Variants in RBFOX1 observed in about 807,000 individuals in gnomAD.
RBFOX1 encodes the protein RNA binding protein fox-1 homolog 1.
RBFOX1 carries 8 observed loss-of-function variants against 57.7 expected under a neutral mutation model. That is an observed-to-expected ratio of 0.14 (90% confidence interval 0.08 to 0.25). The LOEUF (loss-of-function observed/expected upper bound fraction) is 0.25, where lower values mean the gene tolerates loss of function less well. RBFOX1 is among the 10% of genes least tolerant of loss of function. RBFOX1 has a pLI of 1.00. For missense variants in RBFOX1, 611 were observed against 548.5 expected, an observed-to-expected ratio of 1.11 and a Z score of -1.14; for synonymous variants, 326 against 222.4, an observed-to-expected ratio of 1.47 and a Z score of -4.15.
chr16:6,852,327 G>C (rs939067795), intron 3 of RBFOX1, among the ~76,000 whole-genome samples: 2 of 152,130 alleles, frequency 1.3e-5, no homozygotes, highest in Admixed American at 6.5e-5. Context: ...TTGAGGTTGC[G>C]TGTAGGGCCC....
At position 6,218,709 on chromosome 16, in the gene RBFOX1, G is replaced by A. The variant is rs940264284; in HGVS notation, c.-126-98286G>A. On this transcript the variant is annotated intron_variant, in intron 1 of 15. Transcript: ENST00000550418. Reference sequence around the variant, plus strand: ...TATCATTGTTCTACATGGAAAATTTGTGTCCGTGGAATTAAATAATATAAT... The same window carrying A: ...TATCATTGTTCTACATGGAAAATTTATGTCCGTGGAATTAAATAATATAAT... 7.9e-4 allele frequency among the ~76,000 whole-genome samples: 120 copies of A among 152,236 alleles called. 2 individuals carry two copies. Among genetic ancestry groups the A allele is most frequent in the Admixed American group, 7.8e-3 (119 of 15,280 alleles).
chr16:5,535,356 C>T (rs1308470200), intron 2 of RBFOX1, among the ~76,000 whole-genome samples: 1 of 152,130 alleles, frequency 6.6e-6, no homozygotes, highest in Non-Finnish European at 1.5e-5. Flanking sequence ...CAATTCATTT[C>T]CAATTGTAAG....
intron 3 of RBFOX1, among the ~76,000 whole-genome samples, chr16:7,036,022 A>T (rs1010819637): frequency 3.9e-5 from 6 of 152,198 alleles, no homozygotes; most frequent in Non-Finnish European, 1.5e-5. Context: ...TTTCTTAAAT[A>T]ATGACATTTT....
chr16:5,619,034 G>C (rs2048128032), intron 3 of RBFOX1, among the ~76,000 whole-genome samples: 1 of 152,188 alleles, frequency 6.6e-6, no homozygotes, highest in South Asian at 2.1e-4. Flanking sequence ...TGTGGCTGTT[G>C]CCCCTGGACA....
chr16:5,940,847 G>C (rs1048399472), intron 4 of RBFOX1, among the ~76,000 whole-genome samples: 4 of 152,166 alleles, frequency 2.6e-5, no homozygotes, highest in Admixed American at 2.6e-4. Context: ...GATCTAGGTG[G>C]CTGGGTGGGG....
chr16:6,908,865 T>G (rs939990294), intron 3 of RBFOX1, among the ~76,000 whole-genome samples: 6 of 152,130 alleles, frequency 3.9e-5, no homozygotes, highest in Non-Finnish European at 8.8e-5. Flanking sequence ...TAAATTAGTT[T>G]ATATAATAAT....
At chr16:5,886,413 C>G (rs901068478) in intron 4 of RBFOX1, among the ~76,000 whole-genome samples, 1 of 152,180 alleles carries the variant, frequency 6.6e-6, no homozygotes, top group Non-Finnish European at 1.5e-5. Context: ...AAGAGGAGTT[C>G]TGTAGAAATA....
intron 2 of RBFOX1, among the ~76,000 whole-genome samples, chr16:5,482,920 T>A (rs753296879): frequency 6.6e-5 from 10 of 152,260 alleles, no homozygotes; most frequent in Non-Finnish European, 1.3e-4. Context: ...ATCCTTATTC[T>A]TTAGAGACTC....
intron 3 of RBFOX1, among the ~76,000 whole-genome samples, chr16:6,771,599 T>G (rs1283249387): frequency 6.6e-6 from 1 of 152,216 alleles, no homozygotes; most frequent in African/African-American, 2.4e-5. Flanking sequence ...AGCTTTCTGA[T>G]GCCTAACTCA....
At chr16:6,628,746 T>C (rs550357562) in intron 2 of RBFOX1, among the ~76,000 whole-genome samples, 12 of 152,186 alleles carry the variant, frequency 7.9e-5, no homozygotes, top group Non-Finnish European at 1.8e-4. Flanking sequence ...GAGTACACTT[T>C]TGTAACACGA....
At chr16:7,593,236 A>G (rs1363568693) in intron 7 of RBFOX1, among the ~76,000 whole-genome samples, 2 of 152,210 alleles carry the variant, frequency 1.3e-5, no homozygotes, top group Non-Finnish European at 2.9e-5. Context: ...ATTCTAATCC[A>G]GTGGATACAA....
intron 4 of RBFOX1, among the ~76,000 whole-genome samples, chr16:7,289,641 C>G (rs2095722502): frequency 6.6e-6 from 1 of 152,132 alleles, no homozygotes; most frequent in Non-Finnish European, 1.5e-5. Context: ...TGATCATGAT[C>G]ATCATCAGCA....
At chr16:5,558,153 C>T (rs34086772) in intron 2 of RBFOX1, among the ~76,000 whole-genome samples, 55,741 of 151,998 alleles carry the variant, frequency 0.37, 11,141 homozygotes, top group East Asian at 0.5. Context: ...CCAATTCTTC[C>T]GGTATGCTGG....
chr16:5,485,032 C>A (rs2069677602), intron 2 of RBFOX1, among the ~76,000 whole-genome samples: 1 of 151,696 alleles, frequency 6.6e-6, no homozygotes, highest in Admixed American at 6.6e-5. Flanking sequence ...GCACTGCAAC[C>A]TAGGTGAGAG....
chr16:7,013,749 C>T (rs535334460), intron 3 of RBFOX1, among the ~76,000 whole-genome samples: 4 of 151,768 alleles, frequency 2.6e-5, no homozygotes, highest in Non-Finnish European at 5.9e-5. Context: ...CCTCAAACTC[C>T]CAGGCTCAAG....
At chr16:6,238,592 C>T (rs149621760) in intron 1 of RBFOX1, among the ~76,000 whole-genome samples, 16 of 152,274 alleles carry the variant, frequency 1.1e-4, no homozygotes, top group African/African-American at 3.8e-4. Flanking sequence ...ACCCTGGCTT[C>T]AAATTCGAAT....
At chr16:6,671,292 A>T (rs34213140) in intron 3 of RBFOX1, among the ~76,000 whole-genome samples, 23,227 of 152,216 alleles carry the variant, frequency 0.15, 2,103 homozygotes, top group Non-Finnish European at 0.2. Flanking sequence ...TTATGCGGCT[A>T]TTAAAAATGA....
rs2060051773 is a variant in RBFOX1 at position 5,975,872 on chromosome 16, G to A, written c.351+108537G>A. Reference sequence around the variant, plus strand: ...AATATTTTTTATTATCTGGAAGGGTGCAGTGGCTCATTCCTATAATCCCAG... The same window carrying A: ...AATATTTTTTATTATCTGGAAGGGTACAGTGGCTCATTCCTATAATCCCAG... On this transcript the variant is annotated intron_variant, in intron 4 of 19. Transcript: ENST00000641259. Among the ~76,000 whole-genome samples the A allele has an allele frequency of 2.6e-5, 4 of 152,194 alleles. No individual in the cohort carries two copies. The South Asian group carries it at 6.2e-4, about 24-fold the overall frequency.
intron 1 of RBFOX1, among the ~76,000 whole-genome samples, chr16:6,172,493 G>A (rs1480367657): frequency 3.3e-5 from 5 of 152,088 alleles, no homozygotes; most frequent in Non-Finnish European, 7.4e-5. Context: ...TGCCCCTGTG[G>A]CCCCCTGTAG....
Sources: allele counts gnomAD v4.1 joint callset (sites outside exome capture counted in the v4.1 genomes callset), GRCh38; gene constraint gnomAD v4.1.1; transcripts MANE v1.5; gene names NCBI Gene and HGNC (gene_info 2026-07-23, HGNC 2026-07-21).